Variants in ELN observed in about 807,000 individuals in gnomAD.
ELN encodes tropoelastin.
In ELN, 65 loss-of-function variants were observed where a neutral mutation model predicts 105.8. That is an observed-to-expected ratio of 0.61 (90% confidence interval 0.50 to 0.75). ELN has a LOEUF of 0.75. ELN is among the 30% of genes least tolerant of loss of function. The pLI, the probability that ELN is intolerant of heterozygous loss-of-function variation, is 0.00. For synonymous variants in ELN, 368 were observed against 389.2 expected, an observed-to-expected ratio of 0.95 and a Z score of 0.64; for missense variants, 882 against 969.4, an observed-to-expected ratio of 0.91 and a Z score of 1.20.
intron 10 of ELN, chr7:74,045,869 T>C (rs143553280): frequency 3.0e-5 from 12 of 399,028 alleles, no homozygotes; most frequent in African/African-American, 2.4e-4. Context: ...GCCCTGTCTC[T>C]ACTAATAATA....
rs782437876 is a variant in ELN at position 74,043,006 on chromosome 7, A to G, written c.348A>G (p.Pro116=). The G allele has an allele frequency of 1.2e-6, 2 of 1,614,074 alleles. No individual in the cohort carries two copies. Among genetic ancestry groups the G allele is most frequent in the Non-Finnish European group, 1.7e-6 (2 of 1,180,012 alleles). Residue 116 remains proline (P), a synonymous_variant, in exon 7 of 33, where the codon CCA becomes CCG. Transcript: ENST00000252034. ...AKAGAGLGGV[P]GVGGLGVSAG... The stretch of plus-strand genomic sequence containing the variant: ...CAGGCGCTGGGCTTGGTGGTGTCCC[A>G]GGAGTTGGTGGCTTAGGAGTGTCTG...
intron 5 of ELN, 123 bp downstream of exon 5, chr7:74,041,374 C>A: frequency 1.6e-6 from 2 of 1,261,428 alleles, no homozygotes; most frequent in African/African-American, 1.5e-5. Context: ...TGGGCACTGA[C>A]GGGGACTGAT....
chr7:74,048,602 C>G (rs782599205), intron 15 of ELN, 46 bp downstream of exon 15: 21 of 1,610,578 alleles, frequency 1.3e-5, no homozygotes, highest in Non-Finnish European at 1.7e-5. Context: ...AGGCCCCTAG[C>G]CTCTCCATTC....
At chr7:74,032,603 G>A (rs112295165) in intron 1 of ELN, among the ~76,000 whole-genome samples, 18 of 152,290 alleles carry the variant, frequency 1.2e-4, no homozygotes, top group South Asian at 2.1e-4. Context: ...TCCCCAGGCC[G>A]TCAGGTTCAG....
At chr7:74,045,968 G>A in intron 10 of ELN, 1 of 590,476 alleles carries the variant, frequency 1.7e-6, no homozygotes, top group Non-Finnish European at 3.0e-6. Flanking sequence ...CTGGGAGGCA[G>A]AGGTTGCGGT....
intron 3 of ELN, among the ~76,000 whole-genome samples, chr7:74,037,304 C>A (rs1790201240): frequency 6.6e-6 from 1 of 152,020 alleles, no homozygotes; most frequent in African/African-American, 2.4e-5. Flanking sequence ...GGTGATTCTC[C>A]TGCCTCAGCC....
chr7:74,034,716 A>G (rs1346936748), intron 1 of ELN, among the ~76,000 whole-genome samples: 1 of 151,724 alleles, frequency 6.6e-6, no homozygotes, highest in Admixed American at 6.6e-5. Context: ...AAAATAAAGC[A>G]CTGGCCTGAG....
At chr7:74,056,838 C>T in intron 21 of ELN, 125 bp downstream of exon 21, 2 of 1,224,918 alleles carry the variant, frequency 1.6e-6, no homozygotes, top group Non-Finnish European at 2.4e-6. Flanking sequence ...TCACGAGGCC[C>T]CTGCCCCATC....
At chr7:74,051,193 C>T (rs782217369) in intron 15 of ELN, among the ~76,000 whole-genome samples, 3 of 152,166 alleles carry the variant, frequency 2.0e-5, no homozygotes, top group Non-Finnish European at 4.4e-5. Flanking sequence ...AAGCCCTTTC[C>T]TTATCTCCCC....
chr7:74,044,096 C>T (rs372101547), intron 9 of ELN, among the ~76,000 whole-genome samples, 176 bp downstream of exon 9: 2 of 152,020 alleles, frequency 1.3e-5, no homozygotes, highest in East Asian at 1.9e-4. Context: ...AAAAATTTAG[C>T]CAGGCATGGT....
In ELN at chr7:74,066,719, A is replaced by T. The variant is rs1798038788; in HGVS notation, c.2087-13A>T. ...ACCCCTACCAACCCACCAACCTGAAATCTCTCCTGCAGGAGTGGCAGCAAG... is the reference window on the plus strand; with the variant it reads ...ACCCCTACCAACCCACCAACCTGAATTCTCTCCTGCAGGAGTGGCAGCAAG... On this transcript the variant is annotated splice_polypyrimidine_tract_variant and intron_variant, in intron 31 of 32. Coordinates refer to ENST00000252034, the MANE Select transcript of ELN (RefSeq NM_000501.4). The T allele has an allele frequency of 6.2e-7, 1 of 1,613,668 alleles. No homozygotes were observed. Among genetic ancestry groups the T allele is most frequent in the African/African-American group, 1.3e-5 (1 of 74,882 alleles).
At chr7:74,043,092 C>T in intron 7 of ELN, 26 bp from the exon 8 acceptor site, 2 of 1,614,154 alleles carry the variant, frequency 1.2e-6, no homozygotes, top group African/African-American at 1.3e-5. Flanking sequence ...GTGGAGCCAA[C>T]TCTGATGCAG....
intron 32 of ELN, among the ~76,000 whole-genome samples, chr7:74,067,933 CAAAAAAAA>C (rs782107951): frequency 5.0e-5 from 1 of 19,888 alleles, no homozygotes; most frequent in South Asian, 2.1e-3. Context: ...GATTGCGTCT[CAAAAAAAA>C]AAAAAAAAAA....
In ELN at chr7:74,065,714, G is replaced by T. The variant is rs1341584995; in HGVS notation, c.2014G>T (p.Ala672Ser). 2 of 1,613,474 alleles carry T rather than the reference G, an allele frequency of 1.2e-6. No homozygotes were observed. The highest frequency in any genetic ancestry group is 4.5e-5 in the East Asian group (2 of 44,854). The change falls in exon 30 of 33, where the codon GCT becomes TCT. Residue 672 changes from alanine (A) to serine (S), a missense_variant. Coordinates refer to ENST00000252034, the MANE Select transcript of ELN (RefSeq NM_000501.4). ...CCCAGGTATACCTCCAGCTGCAGCC[G>T]CTAAAGCAGCTAAATACGGTGAGTT... is the stretch of plus-strand genomic sequence containing the variant. ...GLGGIPPAAA[A>S]KAAKYGAAGL...
chr7:74,056,574 C>T (rs970463879), intron 20 of ELN, 98 bp from the exon 21 acceptor site: 22 of 1,601,610 alleles, frequency 1.4e-5, no homozygotes, highest in East Asian at 1.3e-4. Flanking sequence ...GAAGGGAGGT[C>T]GTATCCATGC....
intron 13 of ELN, 102 bp downstream of exon 13, chr7:74,047,818 C>T (rs1442170193): frequency 6.5e-7 from 1 of 1,543,136 alleles, no homozygotes; most frequent in Non-Finnish European, 8.9e-7. Context: ...GAGCACCTCG[C>T]TGGGGCAGGG....
chr7:74,068,718 A>C lies in ELN; in HGVS notation c.*18A>C, dbSNP rs1554690661. The C allele has an allele frequency of 1.2e-6, 2 of 1,613,830 alleles. No homozygotes were observed. Among genetic ancestry groups the C allele is most frequent in the Non-Finnish European group, 1.7e-6 (2 of 1,179,930 alleles). On this transcript the variant is annotated 3_prime_UTR_variant, in exon 33 of 33. Transcript: ENST00000252034. Reference sequence around the variant, plus strand: ...GAAAATGAGCTTCCTAGGACCCCTGACTCACGACCTCATCAACGTTGGTGC... The same window carrying C: ...GAAAATGAGCTTCCTAGGACCCCTGCCTCACGACCTCATCAACGTTGGTGC...
At chr7:74,043,480 C>G in intron 8 of ELN, 1 of 688,574 alleles carries the variant, frequency 1.5e-6, no homozygotes, top group South Asian at 1.5e-5. Context: ...CAGCGAGTCC[C>G]GGCAGAGCTG....
intron 15 of ELN, among the ~76,000 whole-genome samples, chr7:74,049,574 C>T (rs574775444): frequency 6.6e-6 from 1 of 151,990 alleles, no homozygotes; most frequent in African/African-American, 2.4e-5. Flanking sequence ...GGCACCCATC[C>T]ATCCATTTCT....
Sources: allele counts gnomAD v4.1 joint callset (sites outside exome capture counted in the v4.1 genomes callset), GRCh38; gene constraint gnomAD v4.1.1; transcripts MANE v1.5; gene names NCBI Gene and HGNC (gene_info 2026-07-23, HGNC 2026-07-21).